Variants in TIA1 observed in about 807,000 individuals in gnomAD.
TIA1 encodes the protein cytotoxic granule associated RNA binding protein TIA1.
A neutral mutation model predicts 65.9 loss-of-function variants in TIA1; 23 were observed. The ratio of observed to expected loss-of-function variants is 0.35; its 90% CI spans 0.25 to 0.49. The LOEUF (loss-of-function observed/expected upper bound fraction) is 0.49. Among genes scored for constraint, TIA1 ranks in the 20% least tolerant of loss-of-function variants. The pLI is 0.98. For synonymous variants in TIA1, 147 were observed against 149.4 expected, an observed-to-expected ratio of 0.98 and a Z score of 0.12; for missense variants, 371 against 477.9, an observed-to-expected ratio of 0.78 and a Z score of 2.09.
chr2:70,215,529 A>T (rs779479991), intron 10 of TIA1, 35 bp from the exon 11 acceptor site: 11 of 1,556,730 alleles, frequency 7.1e-6, no homozygotes, highest in Admixed American at 3.8e-5. Flanking sequence ...ACCAATACAA[A>T]TTCTTTTAAA....
In TIA1 at chr2:70,216,921, G is replaced by A. The variant is rs1558766790; in HGVS notation, c.548C>T (p.Thr183Ile). The A allele has an allele frequency of 6.2e-7, 1 of 1,613,832 alleles. No homozygotes were observed. Among genetic ancestry groups the A allele is most frequent in the Admixed American group, 1.7e-5 (1 of 59,976 alleles). Residue 183 changes from threonine to isoleucine, a missense_variant, in exon 8 of 13, where the codon ACC (threonine) becomes ATC (isoleucine). By Grantham distance (89) the Thr-to-Ile change is moderately conservative (BLOSUM62 -1). Coordinates refer to ENST00000433529, the MANE Select transcript of TIA1 (RefSeq NM_022173.4). ...GGRQIRTNWA[T>I]RKPPAPKSTY... Reference sequence around the variant, plus strand: ...ACTCTTTGGAGCGGGAGGCTTTCGGGTTGCCCAGTTAGTTCTGATTTGTCT... The same window carrying A: ...ACTCTTTGGAGCGGGAGGCTTTCGGATTGCCCAGTTAGTTCTGATTTGTCT...
intron 6 of TIA1, chr2:70,224,933 C>G (rs1683162324): frequency 2.4e-5 from 26 of 1,098,816 alleles, no homozygotes; most frequent in Non-Finnish European, 2.8e-5. Context: ...ACATGAACTA[C>G]TTAACCACTT....
intron 12 of TIA1, 150 bp downstream of exon 12, chr2:70,214,199 T>C: frequency 1.2e-6 from 1 of 838,118 alleles, no homozygotes; most frequent in Non-Finnish European, 1.7e-6. Context: ...CTTATTTTCT[T>C]ACTAAAAAAC....
intron 11 of TIA1, 34 bp downstream of exon 11, chr2:70,215,336 CA>C (rs1272755111): frequency 9.3e-6 from 15 of 1,610,640 alleles, no homozygotes; most frequent in Non-Finnish European, 1.2e-5. Context: ...ATTATTAGCC[CA>C]ACAATTACTT....
intron 11 of TIA1, among the ~76,000 whole-genome samples, chr2:70,214,801 A>G (rs948474782): frequency 6.6e-6 from 1 of 152,220 alleles, no homozygotes; most frequent in African/African-American, 2.4e-5. Context: ...TTGGTATACT[A>G]TCTACATGAT....
intron 7 of TIA1, among the ~76,000 whole-genome samples, chr2:70,219,636 G>GTTTT (rs200214933): frequency 6.7e-6 from 1 of 149,344 alleles, no homozygotes; most frequent in Non-Finnish European, 1.5e-5. Context: ...AAGGTTGGCT[G>GTTTT]TTTTTTTTAT....
intron 6 of TIA1, among the ~76,000 whole-genome samples, chr2:70,226,843 T>C (rs994534197): frequency 2.0e-5 from 3 of 152,120 alleles, no homozygotes; most frequent in African/African-American, 7.2e-5. Context: ...ACCTTTAAAG[T>C]TGGTAATTCC....
At chr2:70,216,750 T>C in intron 8 of TIA1, 136 bp downstream of exon 8, 1 of 1,594,270 alleles carries the variant, frequency 6.3e-7, no homozygotes, top group African/African-American at 1.3e-5. Context: ...GAAAACTAAG[T>C]ACATTTTTGA....
At chr2:70,229,131 A>T (rs766741879) in intron 4 of TIA1, 40 bp from the exon 5 acceptor site, 1 of 1,611,772 alleles carries the variant, frequency 6.2e-7, no homozygotes, top group Non-Finnish European at 8.5e-7. Flanking sequence ...ATTTATTAAC[A>T]CAAACACATT....
chr2:70,231,433 A>G (rs1686240090), intron 2 of TIA1, among the ~76,000 whole-genome samples: 1 of 151,706 alleles, frequency 6.6e-6, no homozygotes, highest in Admixed American at 6.6e-5. Flanking sequence ...TCCTGTCTCT[A>G]AAATAATTAA....
chr2:70,241,653 G>A (rs1349841018), intron 1 of TIA1, among the ~76,000 whole-genome samples: 2 of 151,848 alleles, frequency 1.3e-5, no homozygotes, highest in African/African-American at 4.8e-5. Flanking sequence ...CCCTTCCAAA[G>A]TGTCGGTAGG....
At chr2:70,231,589 C>T (rs1371459687) in intron 2 of TIA1, among the ~76,000 whole-genome samples, 1 of 152,186 alleles carries the variant, frequency 6.6e-6, no homozygotes, top group African/African-American at 2.4e-5. Flanking sequence ...ACCCCATCAT[C>T]ATATAACCAT....
chr2:70,236,777 C>T (rs2104588245), intron 1 of TIA1, among the ~76,000 whole-genome samples: 2 of 152,254 alleles, frequency 1.3e-5, no homozygotes, highest in Non-Finnish European at 2.9e-5. Context: ...CAGGCGTGTG[C>T]CATCATATCT....
chr2:70,215,524 T>A, intron 10 of TIA1, 30 bp from the exon 11 acceptor site: 1 of 1,570,404 alleles, frequency 6.4e-7, no homozygotes, highest in Admixed American at 1.9e-5. Context: ...GAATCACCAA[T>A]ACAAATTCTT....
Position 70,248,613 on chromosome 2 carries a change from A to G in TIA1, c.-183T>C. 1 of 800,686 alleles carries G rather than the reference A, an allele frequency of 1.2e-6. No homozygotes were observed. The highest frequency in any genetic ancestry group is 1.7e-5 in the African/African-American group (1 of 57,836). The allele number at this position is 800,686 out of a possible 1,614,324, so 49.6% of individuals were successfully genotyped here. A position where few individuals can be genotyped will look rare whatever the true frequency, so the allele number is the denominator to read the frequency against. On this transcript the variant is annotated 5_prime_UTR_variant, in exon 1 of 13. Transcript: ENST00000433529. ...GGCCCAGCGGGAACAATGAAACCCC[A>G]ATACAAGATGGCGGCGAGCCGGGAG... is the stretch of plus-strand genomic sequence containing the variant.
chr2:70,215,597 G>A (rs969912892), intron 10 of TIA1, 103 bp from the exon 11 acceptor site: 30 of 994,566 alleles, frequency 3.0e-5, no homozygotes, highest in Non-Finnish European at 3.6e-5. Context: ...AAAACAGTTT[G>A]CGTAACATGG....
chr2:70,225,002 T>C (rs1683186075), intron 6 of TIA1: 6 of 1,002,450 alleles, frequency 6.0e-6, no homozygotes, highest in South Asian at 3.9e-5. Context: ...TTATAACTTA[T>C]TTGACACTAT....
rs1678704887 is a variant in TIA1, at chr2:70,216,518, T to C, written c.584-19A>G. On this transcript the variant is annotated intron_variant, in intron 8 of 12. Transcript: ENST00000433529. Reference sequence around the variant, plus strand: ...GTATTTGCTGGTGAGAGAAAAGGTTTATGTCTTTAATTCATTAAATAAAAT... The same window carrying C: ...GTATTTGCTGGTGAGAGAAAAGGTTCATGTCTTTAATTCATTAAATAAAAT... The C allele has an allele frequency of 6.3e-7, 1 of 1,598,270 alleles. No homozygotes were observed. Among genetic ancestry groups the C allele is most frequent in the East Asian group, 2.2e-5 (1 of 44,778 alleles).
Position 70,209,650 on chromosome 2 carries a change from TAGG to T in TIA1, c.*3066_*3068del, listed in dbSNP as rs1011329335. The T allele has an allele frequency of 2.5e-6, 1 of 398,290 alleles. No individual in the cohort carries two copies. The highest frequency in any genetic ancestry group is 1.3e-4 in the South Asian group (1 of 7,862). The allele number at this position is 398,290 out of a possible 1,614,324, so 24.7% of individuals were successfully genotyped here. A position where few individuals can be genotyped will look rare whatever the true frequency, so the allele number is the denominator to read the frequency against. On this transcript the variant is annotated 3_prime_UTR_variant, in exon 13 of 13. Transcript: ENST00000433529. ...CAGGAAGAATGAATTGAGTTCCTTC[TAGG>T]AGTTGTTTATCCCTGCTCATGCTTA... is the stretch of plus-strand genomic sequence containing the variant.
Sources: gnomAD v4.1 joint callset for allele counts (sites outside exome capture counted in the v4.1 genomes callset) on GRCh38, gnomAD v4.1.1 for gene constraint, MANE v1.5 for transcripts, NCBI Gene and HGNC (gene_info 2026-07-23, HGNC 2026-07-21) for gene names.